Variants in POU2F3 observed in about 807,000 individuals in gnomAD.
POU2F3 encodes the protein POU domain, class 2, transcription factor 3.
A neutral mutation model predicts 59.2 loss-of-function variants in POU2F3; 23 were observed. The ratio of observed to expected loss-of-function variants is 0.39; its 90% CI spans 0.28 to 0.55. POU2F3 has a LOEUF of 0.55. Ranked by LOEUF, POU2F3 falls within the 20% of genes least tolerant of loss-of-function variation. The pLI is 0.66. For synonymous variants in POU2F3, 190 were observed against 214.6 expected (o/e 0.89, Z 1.00); for missense variants, 473 against 544.5 (o/e 0.87, Z 1.31).
intron 3 of POU2F3, among the ~76,000 whole-genome samples, chr11:120,276,318 TG>T (rs1486501357): frequency 3.9e-5 from 6 of 151,928 alleles, no homozygotes; most frequent in Admixed American, 3.9e-4. Flanking sequence ...CCCAGCCCAG[TG>T]GGGAAGATGT....
intron 3 of POU2F3, among the ~76,000 whole-genome samples, chr11:120,269,834 T>C (rs904270098): frequency 3.3e-5 from 5 of 152,044 alleles, no homozygotes; most frequent in African/African-American, 4.8e-5. Flanking sequence ...GTTGGAAAGA[T>C]TGCAGGACAG....
At chr11:120,303,886 CT>C (rs376743941) in intron 6 of POU2F3, 1 of 152,188 alleles carries the variant, frequency 6.6e-6, no homozygotes, top group African/African-American at 2.4e-5. Flanking sequence ...GCCCTTTGAG[CT>C]AGCTGGCCAC....
chr11:120,298,531 C>T (rs1258182310), intron 4 of POU2F3, 141 bp downstream of exon 4: 1 of 1,184,018 alleles, frequency 8.4e-7, no homozygotes, highest in Non-Finnish European at 1.2e-6. Flanking sequence ...GAGTAGGGTT[C>T]TAAAACAGTC....
intron 2 of POU2F3, among the ~76,000 whole-genome samples, chr11:120,264,139 G>C (rs1194786389): frequency 6.6e-6 from 1 of 151,882 alleles, no homozygotes; most frequent in African/African-American, 2.4e-5. Flanking sequence ...GGGAGGCTGA[G>C]GCTTGAGGCC....
intron 2 of POU2F3, among the ~76,000 whole-genome samples, chr11:120,264,734 C>A (rs1939754739): frequency 6.6e-6 from 1 of 152,096 alleles, no homozygotes; most frequent in South Asian, 2.1e-4. Context: ...CTGCTTTGAC[C>A]AAGTTCACAT....
intron 9 of POU2F3, among the ~76,000 whole-genome samples, chr11:120,308,284 G>T (rs1207834932): frequency 1.3e-5 from 2 of 152,178 alleles, no homozygotes; most frequent in Non-Finnish European, 2.9e-5. Flanking sequence ...CTCTAGCCAG[G>T]CTCCCTCAGA....
At chr11:120,261,872 C>T (rs901499692) in intron 2 of POU2F3, among the ~76,000 whole-genome samples, 2 of 152,228 alleles carry the variant, frequency 1.3e-5, no homozygotes, top group African/African-American at 4.8e-5. Context: ...ATTCAAACAT[C>T]AGTTCTGTAA....
intron 2 of POU2F3, among the ~76,000 whole-genome samples, chr11:120,268,022 A>G (rs948406784): frequency 2.0e-5 from 3 of 152,086 alleles, no homozygotes; most frequent in Non-Finnish European, 4.4e-5. Context: ...GACTCTGCTA[A>G]CAATAGGTAT....
At chr11:120,242,291 G>A (rs146857697) in intron 1 of POU2F3, among the ~76,000 whole-genome samples, 2 of 152,246 alleles carry the variant, frequency 1.3e-5, no homozygotes, top group East Asian at 3.9e-4. Context: ...CTCTTTGCTG[G>A]GTCCTCCTGG....
At chr11:120,297,664 A>G (rs1941226984) in intron 3 of POU2F3, among the ~76,000 whole-genome samples, 1 of 152,258 alleles carries the variant, frequency 6.6e-6, no homozygotes, top group African/African-American at 2.4e-5. Context: ...TCTGTGAGGT[A>G]AAGAGTTTTA....
At chr11:120,268,549 C>T (rs1939933367) in intron 2 of POU2F3, among the ~76,000 whole-genome samples, 1 of 152,154 alleles carries the variant, frequency 6.6e-6, no homozygotes, top group Non-Finnish European at 1.5e-5. Flanking sequence ...CACTGTGTTG[C>T]TCAGCCTGGC....
intron 10 of POU2F3, among the ~76,000 whole-genome samples, chr11:120,315,041 A>G (rs1314213464): frequency 2.0e-5 from 3 of 152,192 alleles, no homozygotes; most frequent in Non-Finnish European, 2.9e-5. Flanking sequence ...TGTCTTGCTC[A>G]CCTCCAGGGC....
intron 3 of POU2F3, among the ~76,000 whole-genome samples, 179 bp downstream of exon 3, chr11:120,269,423 TG>T (rs1939969999): frequency 6.6e-6 from 1 of 152,238 alleles, no homozygotes; most frequent in African/African-American, 2.4e-5. Context: ...GAGCCAATGT[TG>T]GGGTCTCTTC....
chr11:120,240,290 G>A lies in POU2F3; in HGVS notation c.-54G>A, dbSNP rs1938604517. On this transcript the variant is annotated 5_prime_UTR_variant, in exon 1 of 13. Coordinates refer to ENST00000543440, the MANE Select transcript of POU2F3 (RefSeq NM_014352.4). Reference sequence around the variant, plus strand: ...CCTGGCTTCGCAGGGGCCCCGGCTGGGGCAGAGGCGAGGGGCCTGGGGGGG... The same window carrying A: ...CCTGGCTTCGCAGGGGCCCCGGCTGAGGCAGAGGCGAGGGGCCTGGGGGGG... 3 of 1,301,434 alleles carry A rather than the reference G, an allele frequency of 2.3e-6. No homozygotes were observed. The highest frequency in any genetic ancestry group is 3.7e-5 in the Admixed American group (1 of 26,996). 80.6% of individuals were successfully genotyped at this position (1,301,434 alleles called of 1,614,324 possible). A position where few individuals can be genotyped will look rare whatever the true frequency, so the allele number is the denominator to read the frequency against.
intron 1 of POU2F3, 92 bp downstream of exon 1, chr11:120,240,463 T>C: frequency 7.9e-7 from 1 of 1,267,362 alleles, no homozygotes; most frequent in Non-Finnish European, 1.0e-6. Flanking sequence ...GGAGGGGGGC[T>C]TGTTTCCCAG....
intron 2 of POU2F3, among the ~76,000 whole-genome samples, chr11:120,251,183 A>T (rs1365608789): frequency 6.6e-6 from 1 of 152,128 alleles, no homozygotes; most frequent in Non-Finnish European, 1.5e-5. Flanking sequence ...TATGTTGCCC[A>T]AGCTGGTCTT....
chr11:120,306,528 G>A (rs1941494637), intron 8 of POU2F3, among the ~76,000 whole-genome samples: 1 of 152,142 alleles, frequency 6.6e-6, no homozygotes, highest in African/African-American at 2.4e-5. Flanking sequence ...CTAGTTGCCA[G>A]TAGCATCCAC....
chr11:120,279,521 G>A (rs1327943384), intron 3 of POU2F3, among the ~76,000 whole-genome samples: 1 of 152,210 alleles, frequency 6.6e-6, no homozygotes, highest in Admixed American at 6.5e-5. Context: ...TGCTATTAGA[G>A]AGGTAATTTT....
intron 3 of POU2F3, among the ~76,000 whole-genome samples, chr11:120,281,140 C>T (rs193096337): frequency 1.7e-3 from 254 of 152,186 alleles, no homozygotes; most frequent in Non-Finnish European, 2.8e-3. Context: ...GACCCTTAAG[C>T]GGCTTTGGAG....
Sources: gnomAD v4.1 joint callset for allele counts (sites outside exome capture counted in the v4.1 genomes callset) on GRCh38, gnomAD v4.1.1 for gene constraint, MANE v1.5 for transcripts, NCBI Gene and HGNC (gene_info 2026-07-23, HGNC 2026-07-21) for gene names.